The following PCDHGA3 variants were observed in gnomAD, a reference collection of about 807,000 sequenced individuals.
The protein encoded by PCDHGA3 is protocadherin gamma-A3.
Under a neutral mutation model 58.5 loss-of-function variants are expected in PCDHGA3, and 40 were observed. The observed-to-expected ratio is 0.68, with a 90% CI of 0.53 to 0.89. The LOEUF (loss-of-function observed/expected upper bound fraction) is 0.89, where lower values mean the gene tolerates loss of function less well. Among genes scored for constraint, PCDHGA3 ranks in the 40% least tolerant of loss-of-function variants. The pLI is 0.00. For missense variants in PCDHGA3, 1,223 were observed against 1,195.9 expected (o/e 1.02, Z -0.33); for synonymous variants, 530 against 525.7 (o/e 1.01, Z -0.11).
chr5:141,433,547 C>G (rs2097621028), intron 1 of PCDHGA3, among the ~76,000 whole-genome samples: 1 of 152,086 alleles, frequency 6.6e-6, no homozygotes, highest in South Asian at 2.1e-4. Context: ...ATCAGATATT[C>G]TTTTCTGGCT....
chr5:141,485,070 G>A lies in PCDHGA3; in HGVS notation c.2425-9737G>A. On this transcript the variant is annotated intron_variant, in intron 1 of 3. Coordinates refer to ENST00000253812, the MANE Select transcript of PCDHGA3 (RefSeq NM_018916.4). The surrounding 1 kb of genome is among the most constrained non-coding windows in gnomAD (Gnocchi z 5.7). ...CGCCGGCCGAACCGCGCCAGAGCTG[G>A]CGCGGGGAAAGGGAGATAGGTGTCT... is the stretch of plus-strand genomic sequence containing the variant. The A allele has an allele frequency of 1.1e-6, 1 of 908,406 alleles. No individual in the cohort carries two copies. Among genetic ancestry groups the A allele is most frequent in the Non-Finnish European group, 1.7e-6 (1 of 580,008 alleles). 56.3% of individuals were successfully genotyped at this position (908,406 alleles called of 1,614,324 possible). A position where few individuals can be genotyped will look rare whatever the true frequency, so the allele number is the denominator to read the frequency against.
rs745961736 is a variant in PCDHGA3, at chr5:141,372,460, A to G, written c.2424+26003A>G. On this transcript the variant is annotated intron_variant, in intron 1 of 3. Coordinates refer to ENST00000253812, the MANE Select transcript of PCDHGA3 (RefSeq NM_018916.4). ...CCCTCTGACCCTCAGGCGGAGCTAC[A>G]GTTTCACCTAGTAGTGGCGTTGGCC... 6.2e-5 allele frequency: 100 copies of G among 1,614,006 alleles called. 1 individual carries two copies. The South Asian group carries it at 1.1e-3, about 17-fold the overall frequency.
chr5:141,410,827 A>G lies in PCDHGA3; in HGVS notation c.2424+64370A>G. The G allele has an allele frequency of 1.4e-5, 6 of 440,972 alleles. No individual in the cohort carries two copies. The South Asian group carries it at 2.4e-4, about 18-fold the overall frequency. 27.3% of individuals were successfully genotyped at this position (440,972 alleles called of 1,614,324 possible). The stretch of plus-strand genomic sequence containing the variant: ...TCTTTTTGTAAAATAATGTCACCAG[A>G]CTGAAGATATTTTGTCTTTGTCTTT... On this transcript the variant is annotated intron_variant, in intron 1 of 3. Transcript: ENST00000253812.
At chr5:141,365,711 G>A (rs750945400) in intron 1 of PCDHGA3, 34 of 1,613,386 alleles carry the variant, frequency 2.1e-5, no homozygotes, top group Non-Finnish European at 3.4e-6. Context: ...CTCCACCTCT[G>A]TCACAGAAAA....
chr5:141,493,206 C>A lies in PCDHGA3; in HGVS notation c.2425-1601C>A, dbSNP rs191090598. Among the ~76,000 whole-genome samples the A allele has an allele frequency of 2.4e-3, 368 of 152,322 alleles. 2 individuals carry two copies. Among genetic ancestry groups the A allele is most frequent in the Admixed American group, 4.5e-3 (69 of 15,296 alleles). On this transcript the variant is annotated intron_variant, in intron 1 of 3. Transcript: ENST00000253812. This position sits in a 1 kb window ranked among gnomAD's most constrained non-coding sequence, Gnocchi z 4.3. ...TATAACTCCTTTGAGAACCTCATCT[C>A]ATTTGCTCTTCCCACCATTGCTGTT...
chr5:141,383,972 A>C, intron 1 of PCDHGA3: 1 of 1,613,800 alleles, frequency 6.2e-7, no homozygotes, highest in Non-Finnish European at 8.5e-7. Context: ...TCAATCCCTG[A>C]AGACACACCT....
At chr5:141,356,770 C>T (rs1406276997) in intron 1 of PCDHGA3, 12 of 1,614,006 alleles carry the variant, frequency 7.4e-6, no homozygotes, top group Non-Finnish European at 1.0e-5. Flanking sequence ...CGACTATGAG[C>T]AGTTTAGAGA....
intron 1 of PCDHGA3, among the ~76,000 whole-genome samples, chr5:141,347,786 C>CAA (rs1186221035): frequency 6.6e-5 from 7 of 106,268 alleles, no homozygotes; most frequent in Non-Finnish European, 7.9e-5. Flanking sequence ...GACTCCATCT[C>CAA]AAAAAAAAAA....
At chr5:141,362,406 C>T in intron 1 of PCDHGA3, 1 of 1,614,032 alleles carries the variant, frequency 6.2e-7, no homozygotes, top group South Asian at 1.1e-5. Context: ...TGTGTGTTGC[C>T]TCACAATCAG....
chr5:141,409,828 C>CG (rs2095322406), intron 1 of PCDHGA3: 1 of 1,611,010 alleles, frequency 6.2e-7, no homozygotes, highest in African/African-American at 1.3e-5. Flanking sequence ...CGCCCACGCT[C>CG]AGCGCCAACG....
At chr5:141,363,501 C>T (rs187528196) in intron 1 of PCDHGA3, among the ~76,000 whole-genome samples, 5 of 152,306 alleles carry the variant, frequency 3.3e-5, no homozygotes, top group African/African-American at 1.2e-4. Context: ...AATAAAACCC[C>T]ATCCTCCACA....
At chr5:141,419,555 G>A (rs1411289369) in intron 1 of PCDHGA3, 3 of 1,611,876 alleles carry the variant, frequency 1.9e-6, no homozygotes, top group South Asian at 1.1e-5. Context: ...GCTGTACCCT[G>A]CGCTGGGTCC....
At chr5:141,506,130 GAGA>G (rs560751517) in intron 3 of PCDHGA3, among the ~76,000 whole-genome samples, 2 of 152,170 alleles carry the variant, frequency 1.3e-5, no homozygotes, top group Admixed American at 1.3e-4. Context: ...CCCAGAGCAG[GAGA>G]AGAAGAATAT....
At chr5:141,415,040 C>T (rs772941952) in intron 1 of PCDHGA3, 8 of 1,613,520 alleles carry the variant, frequency 5.0e-6, no homozygotes, top group South Asian at 1.1e-5. Context: ...GGACTCTTCG[C>T]GGTGGGGGAG....
intron 1 of PCDHGA3, chr5:141,388,970 A>G (rs1561622326): frequency 6.2e-7 from 1 of 1,613,928 alleles, no homozygotes; most frequent in East Asian, 2.2e-5. Flanking sequence ...AGCTGGGAAC[A>G]CATATTGCTT....
intron 1 of PCDHGA3, chr5:141,399,935 A>G (rs2093920920): frequency 1.9e-6 from 3 of 1,612,300 alleles, no homozygotes; most frequent in Non-Finnish European, 2.5e-6. Context: ...CTGTCCTACC[A>G]CGTGCTGCAG....
intron 1 of PCDHGA3, chr5:141,395,272 G>C (rs750503990): frequency 6.5e-7 from 1 of 1,544,348 alleles, no homozygotes; most frequent in Admixed American, 2.1e-5. Context: ...TTAATTTCCA[G>C]ATGAATTTTA....
In PCDHGA3 at chr5:141,432,002, G is replaced by T; in HGVS notation, c.2425-62805G>T. The T allele has an allele frequency of 6.2e-7, 1 of 1,614,186 alleles. No homozygotes were observed. The highest frequency in any genetic ancestry group is 1.1e-5 in the South Asian group (1 of 91,090). ...AGACATAGTCTTGGATAGGGAACAGGTTCCTAGCTACAACATCACAGTGAC... is the reference window on the plus strand; with the variant it reads ...AGACATAGTCTTGGATAGGGAACAGTTTCCTAGCTACAACATCACAGTGAC... On this transcript the variant is annotated intron_variant, in intron 1 of 3. Coordinates refer to ENST00000253812, the MANE Select transcript of PCDHGA3 (RefSeq NM_018916.4). The surrounding 1 kb of genome is among the most constrained non-coding windows in gnomAD (Gnocchi z 6.0).
rs537334679 is a variant in PCDHGA3 at position 141,413,479 on chromosome 5, C to G, written c.2424+67022C>G. ...GATAGACCGGGAGGAGCTCTGCGCTCAGAGCGCGCGGTGCGTGGTGAGTTT... is the reference window on the plus strand; with the variant it reads ...GATAGACCGGGAGGAGCTCTGCGCTGAGAGCGCGCGGTGCGTGGTGAGTTT... On this transcript the variant is annotated intron_variant, in intron 1 of 3. Coordinates refer to ENST00000253812, the MANE Select transcript of PCDHGA3 (RefSeq NM_018916.4). 4.3e-6 allele frequency: 7 copies of G among 1,614,084 alleles called. No individual in the cohort carries two copies. In the African/African-American group the frequency reaches 6.7e-5, roughly 15 times the overall value.
Sources: gnomAD v4.1 joint callset for allele counts (sites outside exome capture counted in the v4.1 genomes callset) on GRCh38, gnomAD v4.1.1 for gene constraint, Gnocchi (gnomAD v3.1) non-coding constraint, MANE v1.5 for transcripts, NCBI Gene and HGNC (gene_info 2026-07-23, HGNC 2026-07-21) for gene names.